The following SLCO1A2 variants were observed in gnomAD, a reference collection of about 807,000 sequenced individuals.
SLCO1A2 encodes the protein solute carrier organic anion transporter family member 1A2.
In SLCO1A2, 67 loss-of-function variants were observed where a neutral mutation model predicts 69.0. That is an observed-to-expected ratio of 0.97 (90% confidence interval 0.80 to 1.19). The LOEUF (loss-of-function observed/expected upper bound fraction) is 1.19, where lower values mean the gene tolerates loss of function less well. SLCO1A2 is among the 50% of genes most tolerant of loss of function. The pLI is 0.00. For missense variants in SLCO1A2, 787 were observed against 793.7 expected, an observed-to-expected ratio of 0.99 and a Z score of 0.10; for synonymous variants, 260 against 265.9, an observed-to-expected ratio of 0.98 and a Z score of 0.22.
chr12:21,334,513 A>C lies in SLCO1A2; in HGVS notation c.60+75T>G, dbSNP rs1408961296. ...TATTAGATCACTTCATGCAGATAGGAGCAATTTTACCAGGACTGTCGTATT... is the reference window on the plus strand; with the variant it reads ...TATTAGATCACTTCATGCAGATAGGCGCAATTTTACCAGGACTGTCGTATT... On this transcript the variant is annotated intron_variant, in intron 2 of 14. Transcript: ENST00000683939. 2.9e-6 allele frequency: 3 copies of C among 1,049,416 alleles called. No individual in the cohort carries two copies. The South Asian group carries it at 4.2e-5, about 15-fold the overall frequency. 65.0% of individuals were successfully genotyped at this position (1,049,416 alleles called of 1,614,324 possible). A position where few individuals can be genotyped will look rare whatever the true frequency, so the allele number is the denominator to read the frequency against.
intron 2 of SLCO1A2, among the ~76,000 whole-genome samples, chr12:21,330,513 A>G (rs1011846821): frequency 1.4e-4 from 21 of 152,082 alleles, no homozygotes; most frequent in African/African-American, 4.8e-4. Flanking sequence ...TGCCTCAAAA[A>G]AAATAAAATA....
At chr12:21,365,589 C>T (rs1271212857) in intron 2 of SLCO1A2, among the ~76,000 whole-genome samples, 1 of 152,144 alleles carries the variant, frequency 6.6e-6, no homozygotes, top group Non-Finnish European at 1.5e-5. Context: ...TCAAAAGAAA[C>T]TACCATCAGA....
intron 14 of SLCO1A2, among the ~76,000 whole-genome samples, chr12:21,270,938 T>C (rs1942708868): frequency 6.6e-6 from 1 of 151,746 alleles, no homozygotes; most frequent in African/African-American, 2.4e-5. Flanking sequence ...TTATTCCCTC[T>C]ATGGTATATA....
At chr12:21,363,002 C>A (rs11502680) in intron 2 of SLCO1A2, among the ~76,000 whole-genome samples, 165 of 152,256 alleles carry the variant, frequency 1.1e-3, no homozygotes, top group African/African-American at 3.8e-3. Context: ...AGAAAGTTAA[C>A]AAGGATATCC....
chr12:21,340,636 T>G (rs1565507950), intron 2 of SLCO1A2, among the ~76,000 whole-genome samples: 1 of 151,962 alleles, frequency 6.6e-6, no homozygotes, highest in African/African-American at 2.4e-5. Context: ...ATTTGGAGTT[T>G]CACTATGAGG....
chr12:21,378,760 T>C, intron 1 of SLCO1A2: 1 of 222,486 alleles, frequency 4.5e-6, no homozygotes, highest in Non-Finnish European at 9.1e-6. Context: ...CAGCTAATAA[T>C]GAAGTTATTC....
intron 12 of SLCO1A2, among the ~76,000 whole-genome samples, chr12:21,283,466 C>G (rs1247135657): frequency 6.6e-6 from 1 of 152,120 alleles, no homozygotes; most frequent in African/African-American, 2.4e-5. Flanking sequence ...TAACAAACTA[C>G]TGCAAGAAAA....
At chr12:21,343,000 T>C (rs1416561555) in intron 2 of SLCO1A2, among the ~76,000 whole-genome samples, 1 of 152,086 alleles carries the variant, frequency 6.6e-6, no homozygotes, top group Non-Finnish European at 1.5e-5. Context: ...GTGCGTCACA[T>C]CCAGGTGGGT....
chr12:21,336,508 T>A (rs1015514643), upstream of SLCO1A2, among the ~76,000 whole-genome samples: 9 of 152,024 alleles, frequency 5.9e-5, no homozygotes, highest in Non-Finnish European at 1.3e-4. Context: ...AGGTAATATT[T>A]AAGGCTAAGC....
At chr12:21,295,328 C>T (rs975427341) in intron 10 of SLCO1A2, 7 of 310,960 alleles carry the variant, frequency 2.3e-5, no homozygotes, top group African/African-American at 8.8e-5. Context: ...AATGTCTACT[C>T]GGATATCACA....
At chr12:21,276,662 T>C (rs1197611674) in intron 12 of SLCO1A2, among the ~76,000 whole-genome samples, 2 of 152,122 alleles carry the variant, frequency 1.3e-5, no homozygotes, top group Admixed American at 1.3e-4. Flanking sequence ...AAAATGGTCT[T>C]GAATTGCCAA....
intron 12 of SLCO1A2, 133 bp from the exon 13 acceptor site, chr12:21,275,557 G>C: frequency 8.8e-6 from 8 of 909,574 alleles, no homozygotes; most frequent in Non-Finnish European, 1.2e-5. Flanking sequence ...TCACTTATTG[G>C]TTATTCAGGG....
chr12:21,291,986 A>G (rs1946931271), intron 12 of SLCO1A2, among the ~76,000 whole-genome samples, 178 bp downstream of exon 12: 1 of 152,200 alleles, frequency 6.6e-6, no homozygotes, highest in African/African-American at 2.4e-5. Context: ...GCAGATGAAC[A>G]TGTGCATTGC....
At chr12:21,329,057 A>T (rs1296117236) in intron 2 of SLCO1A2, among the ~76,000 whole-genome samples, 3 of 152,154 alleles carry the variant, frequency 2.0e-5, no homozygotes, top group Admixed American at 1.3e-4. Context: ...TCTCTTATGA[A>T]TAACCTCGTA....
intron 2 of SLCO1A2, 123 bp downstream of exon 2, chr12:21,334,465 T>C (rs902517791): frequency 3.0e-6 from 2 of 663,490 alleles, no homozygotes; most frequent in Admixed American, 6.1e-5. Flanking sequence ...AAATTATCAA[T>C]AGAACAGGCA....
At chr12:21,304,361 A>T in intron 6 of SLCO1A2, 66 bp downstream of exon 6, 1 of 1,296,054 alleles carries the variant, frequency 7.7e-7, no homozygotes, top group Non-Finnish European at 1.1e-6. Flanking sequence ...ACAAAAATAT[A>T]ACTAATTTCT....
At chr12:21,373,763 C>A (rs1939981186) in intron 2 of SLCO1A2, 1 of 687,590 alleles carries the variant, frequency 1.5e-6, no homozygotes, top group Non-Finnish European at 2.6e-6. Context: ...TAACCTGATA[C>A]TGAAACAAAC....
At chr12:21,380,310 T>G (rs1323988576) in intron 1 of SLCO1A2, among the ~76,000 whole-genome samples, 1 of 152,158 alleles carries the variant, frequency 6.6e-6, no homozygotes, top group Admixed American at 6.6e-5. Flanking sequence ...GCATATCATG[T>G]TCAAGGACAT....
At chr12:21,349,479 G>T (rs77542940) in intron 2 of SLCO1A2, among the ~76,000 whole-genome samples, 18,632 of 152,084 alleles carry the variant, frequency 0.12, 1,345 homozygotes, top group East Asian at 0.35. Context: ...GCCGTTGTGG[G>T]CCACACTGTT....
Sources: gnomAD v4.1 joint callset for allele counts (sites outside exome capture counted in the v4.1 genomes callset) on GRCh38, gnomAD v4.1.1 for gene constraint, MANE v1.5 for transcripts, NCBI Gene and HGNC (gene_info 2026-07-23, HGNC 2026-07-21) for gene names.